The following NALF1 variants were observed in gnomAD, a reference collection of about 807,000 sequenced individuals.
NALF1 encodes the protein NALCN channel auxiliary factor 1.
A neutral mutation model predicts 48.4 loss-of-function variants in NALF1; 3 were observed. The observed-to-expected ratio is 0.06, with a 90% CI of 0.03 to 0.16. The LOEUF is 0.16. Among genes scored for constraint, NALF1 ranks in the 10% least tolerant of loss-of-function variants. The pLI is 1.00. For synonymous variants in NALF1, 262 were observed against 245.7 expected (o/e 1.07, Z -0.62); for missense variants, 526 against 571.5 (o/e 0.92, Z 0.81).
chr13:107,820,496 G>T lies in NALF1; in HGVS notation c.915+45186C>A, dbSNP rs139103387. ...ATTGCCCTCAGCCTTGCTACCGGCA[G>T]CTCCTAATCTACCTTGTCAAGGTAC... is the stretch of plus-strand genomic sequence containing the variant. On this transcript the variant is annotated intron_variant, in intron 1 of 2. Transcript: ENST00000375915. Among the ~76,000 whole-genome samples the T allele has an allele frequency of 2.9e-4, 44 of 152,280 alleles. No homozygotes were observed. The East Asian group carries it at 7.5e-3, about 26-fold the overall frequency.
At chr13:107,179,859 C>T (rs777988914) in intron 2 of NALF1, among the ~76,000 whole-genome samples, 19 of 146,376 alleles carry the variant, frequency 1.3e-4, no homozygotes, top group Non-Finnish European at 1.5e-4. Flanking sequence ...ATTCCAGCTG[C>T]TGCTTCTGTC....
At chr13:107,707,156 T>A (rs1175236802) in intron 1 of NALF1, among the ~76,000 whole-genome samples, 2 of 151,854 alleles carry the variant, frequency 1.3e-5, no homozygotes, top group Non-Finnish European at 2.9e-5. Context: ...TCTCCTGACC[T>A]CGTGATCCGC....
At chr13:107,415,675 G>T (rs1409599444) in intron 1 of NALF1, among the ~76,000 whole-genome samples, 1 of 152,114 alleles carries the variant, frequency 6.6e-6, no homozygotes, top group Non-Finnish European at 1.5e-5. Flanking sequence ...ATCTCATCAG[G>T]GGGCCTCAGA....
At chr13:107,757,208 G>A (rs1272006291) in intron 1 of NALF1, among the ~76,000 whole-genome samples, 1 of 152,114 alleles carries the variant, frequency 6.6e-6, no homozygotes, top group Non-Finnish European at 1.5e-5. Context: ...AAAAGTGTAT[G>A]ATATATCTGG....
At chr13:107,399,427 C>A (rs78595368) in intron 1 of NALF1, among the ~76,000 whole-genome samples, 2 of 149,214 alleles carry the variant, frequency 1.3e-5, no homozygotes, top group South Asian at 2.1e-4. Flanking sequence ...AAATAAATAT[C>A]TGAAAATAAA....
rs549766930 is a variant in NALF1 at position 107,570,879 on chromosome 13, TAA to T, written c.915+294801_915+294802del. Among the ~76,000 whole-genome samples, 18 of 152,162 alleles carry T rather than the reference TAA, an allele frequency of 1.2e-4. No individual in the cohort carries two copies. In the South Asian group the frequency reaches 3.7e-3, roughly 32 times the overall value. On this transcript the variant is annotated intron_variant, in intron 1 of 2. Transcript: ENST00000375915. Reference sequence around the variant, plus strand: ...TTGCACTAAATTTTTACAGGAATTTTAAAAGAGAATGAAAGGCTCCTTCCATT... The same window carrying T: ...TTGCACTAAATTTTTACAGGAATTTTAAGAGAATGAAAGGCTCCTTCCATT...
At chr13:107,385,468 A>G (rs4379938) in intron 1 of NALF1, among the ~76,000 whole-genome samples, 96,488 of 150,222 alleles carry the variant, frequency 0.64, 30,879 homozygotes, top group Middle Eastern at 0.7. Context: ...CAGGAGAATC[A>G]CTTGAACCCA....
chr13:107,488,834 A>T (rs9559048), intron 1 of NALF1, among the ~76,000 whole-genome samples: 1 of 152,106 alleles, frequency 6.6e-6, no homozygotes, highest in Non-Finnish European at 1.5e-5. Flanking sequence ...AAGTCAAATT[A>T]TCCCTGTTTG....
intron 1 of NALF1, among the ~76,000 whole-genome samples, chr13:107,656,049 TAA>T (rs1880565682): frequency 6.6e-6 from 1 of 151,560 alleles, no homozygotes; most frequent in Admixed American, 6.6e-5. Flanking sequence ...CCTGAAATCA[TAA>T]AGATTCTAGA....
At chr13:107,824,880 T>A (rs2138620934) in intron 1 of NALF1, among the ~76,000 whole-genome samples, 1 of 152,314 alleles carries the variant, frequency 6.6e-6, no homozygotes, top group Non-Finnish European at 1.5e-5. Flanking sequence ...AGTTTCAGTT[T>A]GCCACTTCAC....
intron 1 of NALF1, among the ~76,000 whole-genome samples, chr13:107,341,442 T>A (rs1421675563): frequency 6.6e-6 from 1 of 152,068 alleles, no homozygotes; most frequent in Non-Finnish European, 1.5e-5. Context: ...GCTAAGACTT[T>A]GTGAGTTTGG....
At chr13:107,818,833 C>T (rs1302149835) in intron 1 of NALF1, among the ~76,000 whole-genome samples, 2 of 125,092 alleles carry the variant, frequency 1.6e-5, no homozygotes, top group Admixed American at 8.6e-5. Flanking sequence ...GATCGCGCCA[C>T]TGCACTCCAG....
chr13:107,569,339 G>A (rs775559568), intron 1 of NALF1, among the ~76,000 whole-genome samples: 3 of 152,210 alleles, frequency 2.0e-5, no homozygotes, highest in South Asian at 2.1e-4. Context: ...AGGCGTGGTG[G>A]TGGGTGCTTG....
chr13:107,365,267 A>G (rs978824726), intron 1 of NALF1, among the ~76,000 whole-genome samples: 2 of 152,030 alleles, frequency 1.3e-5, no homozygotes, highest in African/African-American at 4.8e-5. Context: ...ATACTGCTTT[A>G]CAACCTACTA....
At chr13:107,824,292 C>T (rs1366353302) in intron 1 of NALF1, among the ~76,000 whole-genome samples, 1 of 151,574 alleles carries the variant, frequency 6.6e-6, no homozygotes, top group African/African-American at 2.4e-5. Context: ...TATAGGGACC[C>T]CTAGATATAT....
intron 1 of NALF1, among the ~76,000 whole-genome samples, chr13:107,441,503 A>C (rs1369916033): frequency 6.6e-6 from 1 of 152,244 alleles, no homozygotes; most frequent in Non-Finnish European, 1.5e-5. Flanking sequence ...TGAAAGGAAA[A>C]TGAAGCAAAG....
At chr13:107,516,093 G>T (rs906760441) in intron 1 of NALF1, among the ~76,000 whole-genome samples, 3 of 152,184 alleles carry the variant, frequency 2.0e-5, no homozygotes, top group Non-Finnish European at 2.9e-5. Context: ...AATATTTAGG[G>T]TTTCAATATT....
intron 1 of NALF1, among the ~76,000 whole-genome samples, chr13:107,533,352 G>C (rs1476884848): frequency 6.6e-6 from 1 of 152,034 alleles, no homozygotes; most frequent in East Asian, 1.9e-4. Context: ...TGAAAGACAG[G>C]GCCCCTGGAA....
chr13:107,610,720 T>C (rs1332108443), intron 1 of NALF1, among the ~76,000 whole-genome samples: 2 of 152,166 alleles, frequency 1.3e-5, no homozygotes, highest in Non-Finnish European at 2.9e-5. Context: ...AACAGAATGG[T>C]CTCTGGAAAG....
Sources: gnomAD v4.1 joint callset for allele counts (sites outside exome capture counted in the v4.1 genomes callset) on GRCh38, gnomAD v4.1.1 for gene constraint, MANE v1.5 for transcripts, NCBI Gene and HGNC (gene_info 2026-07-23, HGNC 2026-07-21) for gene names.